AK5: variants seen among roughly 807,000 people sequenced by gnomAD.
AK5 encodes the protein adenylate kinase 5, also known as adenylate kinase isoenzyme 5.
A neutral mutation model predicts 69.5 loss-of-function variants in AK5; 27 were observed. The ratio of observed to expected loss-of-function variants is 0.39; its 90% CI spans 0.29 to 0.54. The LOEUF is 0.54. AK5 is among the 20% of genes least tolerant of loss of function. The probability of loss-of-function intolerance (pLI) is 0.71; values close to 1 mark genes in which losing one functional copy is unlikely to be tolerated. For missense variants in AK5, 531 were observed against 700.4 expected (o/e 0.76, Z 2.73); for synonymous variants, 260 against 244.4 (o/e 1.06, Z -0.60).
chr1:77,486,741 C>T (rs1655629972), intron 10 of AK5, among the ~76,000 whole-genome samples: 1 of 151,022 alleles, frequency 6.6e-6, no homozygotes, highest in Non-Finnish European at 1.5e-5. Flanking sequence ...CTATTTATTT[C>T]TCATCCTGTT....
rs1434156527 is a variant in AK5, at chr1:77,282,317, A to G, written c.4A>G (p.Asn2Asp). 2 of 1,560,260 alleles carry G rather than the reference A, an allele frequency of 1.3e-6. No individual in the cohort carries two copies. The highest frequency in any genetic ancestry group is 2.7e-5 in the African/African-American group (2 of 73,586). Reference protein sequence around the residue: MNTNDAKEYLAR... With the variant: MDTNDAKEYLAR... ...CCAAGGCACGCGCGGCACAGCCATG[A>G]ACACCAACGATGCCAAGGAGTATCT... Residue 2 changes from asparagine to aspartate, a missense_variant, in exon 1 of 14, where the codon AAC (asparagine) becomes GAC (aspartate). Coordinates refer to ENST00000354567, the MANE Select transcript of AK5 (RefSeq NM_174858.3).
chr1:77,306,482 A>AGG lies in AK5; in HGVS notation c.699+8536_699+8537dup, dbSNP rs1553129846. ...AATGCATTGTTGAATTCAATTTGCT[A>AGG]GGTTTTTTTTTGTTTTTTTTTTTTT... On this transcript the variant is annotated intron_variant, in intron 5 of 13. Transcript: ENST00000354567. 1.7e-3 allele frequency among the ~76,000 whole-genome samples: 80 copies of AGG among 46,110 alleles called. 1 individual carries two copies. Among genetic ancestry groups the AGG allele is most frequent in the African/African-American group, 3.6e-3 (61 of 17,092 alleles). 30.2% of individuals were successfully genotyped at this position (46,110 alleles called of 152,430 possible).
chr1:77,365,898 G>C (rs1385352892), intron 6 of AK5, among the ~76,000 whole-genome samples: 1 of 152,028 alleles, frequency 6.6e-6, no homozygotes, highest in Non-Finnish European at 1.5e-5. Context: ...TTTATAATCA[G>C]AGTTTTCTTT....
chr1:77,520,893 A>G (rs945610759), intron 11 of AK5, among the ~76,000 whole-genome samples: 2 of 152,202 alleles, frequency 1.3e-5, no homozygotes, highest in African/African-American at 4.8e-5. Context: ...CCCCTGCCAA[A>G]AGCCAGAGAG....
chr1:77,283,339 A>T (rs751557063), intron 1 of AK5: 13 of 985,442 alleles, frequency 1.3e-5, no homozygotes, highest in Non-Finnish European at 1.6e-5. Context: ...TTCCTAAGCG[A>T]GCTCTGAAAG....
intron 8 of AK5, among the ~76,000 whole-genome samples, chr1:77,479,967 A>G (rs999126068): frequency 6.6e-6 from 1 of 152,186 alleles, no homozygotes; most frequent in Non-Finnish European, 1.5e-5. Flanking sequence ...GAATAAGCCT[A>G]CAGCCTTTGG....
Position 77,521,880 on chromosome 1 carries a change from C to T in AK5, c.1365C>T (p.Thr455=), listed in dbSNP as rs143509402. 1 of 1,613,494 alleles carries T rather than the reference C, an allele frequency of 6.2e-7. No homozygotes were observed. Among genetic ancestry groups the T allele is most frequent in the Admixed American group, 1.7e-5 (1 of 59,870 alleles). ...CCATGGTGGCCAGCCTCGGGGACACCAGGGGCTTCCTGATTGACGGCTATC... is the reference window on the plus strand; with the variant it reads ...CCATGGTGGCCAGCCTCGGGGACACTAGGGGCTTCCTGATTGACGGCTATC... ...KEAMVASLGD[T]RGFLIDGYPR... is the part of the protein sequence containing the mutation. Residue 455 remains threonine (T), a synonymous_variant, in exon 12 of 14, where the codon ACC becomes ACT. Transcript: ENST00000354567.
chr1:77,485,080 G>A (rs569981977), intron 9 of AK5, among the ~76,000 whole-genome samples: 14 of 152,340 alleles, frequency 9.2e-5, no homozygotes, highest in African/African-American at 3.4e-4. Flanking sequence ...AACCTGAGAT[G>A]ACCATCTGGT....
intron 10 of AK5, among the ~76,000 whole-genome samples, chr1:77,490,675 A>G (rs1655927723): frequency 6.6e-6 from 1 of 152,154 alleles, no homozygotes; most frequent in Admixed American, 6.5e-5. Context: ...GAAAACTGAA[A>G]ATTATTTGGA....
chr1:77,334,628 G>A (rs753733252), intron 5 of AK5, among the ~76,000 whole-genome samples: 1 of 151,364 alleles, frequency 6.6e-6, no homozygotes, highest in Non-Finnish European at 1.5e-5. Context: ...TTCTTCTTTT[G>A]CTTCATTCTG....
intron 10 of AK5, among the ~76,000 whole-genome samples, chr1:77,501,532 A>G (rs1276567178): frequency 6.6e-6 from 1 of 152,248 alleles, no homozygotes; most frequent in Non-Finnish European, 1.5e-5. Flanking sequence ...ACCATAACAA[A>G]TAGTATAAAT....
At chr1:77,464,993 T>G (rs757271476) in intron 8 of AK5, among the ~76,000 whole-genome samples, 1 of 152,194 alleles carries the variant, frequency 6.6e-6, no homozygotes, top group African/African-American at 2.4e-5. Flanking sequence ...AGAACCAGGG[T>G]GCTAACTTTG....
intron 11 of AK5, among the ~76,000 whole-genome samples, chr1:77,519,180 T>TA (rs1657840240): frequency 6.6e-6 from 1 of 152,186 alleles, no homozygotes; most frequent in Admixed American, 6.5e-5. Context: ...ATCTTTTTTC[T>TA]TCTAAAGTCA....
intron 8 of AK5, among the ~76,000 whole-genome samples, chr1:77,454,044 C>T (rs1401461759): frequency 1.3e-5 from 2 of 152,158 alleles, no homozygotes; most frequent in African/African-American, 4.8e-5. Flanking sequence ...GTCTTCAGCT[C>T]TGTAGGGTCA....
intron 5 of AK5, among the ~76,000 whole-genome samples, chr1:77,327,176 C>T: frequency 6.6e-6 from 1 of 152,014 alleles, no homozygotes; most frequent in Non-Finnish European, 1.5e-5. Flanking sequence ...TGTTTGAGGC[C>T]AGGAGTTCAA....
intron 5 of AK5, among the ~76,000 whole-genome samples, chr1:77,331,871 A>G (rs1661102202): frequency 6.6e-6 from 1 of 152,212 alleles, no homozygotes; most frequent in Admixed American, 6.5e-5. Context: ...TATCTTTCAT[A>G]AATATAGGAC....
chr1:77,381,950 ACCT>A (rs1296862572), intron 6 of AK5, among the ~76,000 whole-genome samples: 4 of 152,006 alleles, frequency 2.6e-5, no homozygotes, highest in African/African-American at 9.7e-5. Context: ...TGCTTGCCAG[ACCT>A]CCTCCGCCAT....
In AK5 at chr1:77,307,510, T is replaced by C. The variant is rs140265458; in HGVS notation, c.699+9563T>C. Among the ~76,000 whole-genome samples the C allele has an allele frequency of 4.1e-4, 62 of 152,332 alleles. 1 individual carries two copies. In the East Asian group the frequency reaches 0.011, roughly 28 times the overall value. On this transcript the variant is annotated intron_variant, in intron 5 of 13. Coordinates refer to ENST00000354567, the MANE Select transcript of AK5 (RefSeq NM_174858.3). ...CAATTTTTTAATGTTTTAAGACTTA[T>C]TTTGTGACCTAAAATATTGTCTGTC...
At chr1:77,335,319 G>T (rs1169497245) in intron 5 of AK5, among the ~76,000 whole-genome samples, 1 of 150,552 alleles carries the variant, frequency 6.6e-6, no homozygotes, top group Non-Finnish European at 1.5e-5. Flanking sequence ...TTCCGCAGGA[G>T]AAACAATATC....
Sources: gnomAD v4.1 joint callset for allele counts (sites outside exome capture counted in the v4.1 genomes callset) on GRCh38, gnomAD v4.1.1 for gene constraint, MANE v1.5 for transcripts, NCBI Gene and HGNC (gene_info 2026-07-23, HGNC 2026-07-21) for gene names.